VEPH1: variants seen among roughly 807,000 people sequenced by gnomAD.
VEPH1 encodes ventricular zone-expressed PH domain-containing protein homolog 1.
Under a neutral mutation model 85.2 loss-of-function variants are expected in VEPH1, and 80 were observed. The ratio of observed to expected loss-of-function variants is 0.94; its 90% CI spans 0.78 to 1.13. The LOEUF (loss-of-function observed/expected upper bound fraction) is 1.13, where lower values mean the gene tolerates loss of function less well. Ranked by LOEUF, VEPH1 falls within the 50% of genes most tolerant of loss-of-function variation. The pLI, the probability that VEPH1 is intolerant of heterozygous loss-of-function variation, is 0.00. For missense variants in VEPH1, 955 were observed against 980.5 expected, an observed-to-expected ratio of 0.97 and a Z score of 0.35; for synonymous variants, 297 against 348.0, an observed-to-expected ratio of 0.85 and a Z score of 1.63.
intron 6 of VEPH1, among the ~76,000 whole-genome samples, chr3:157,392,750 T>C (rs1729984700): frequency 6.6e-6 from 1 of 152,170 alleles, no homozygotes. Flanking sequence ...GTCTAAATGG[T>C]GCATTTAAAA....
At chr3:157,373,394 C>T (rs754208103) in intron 7 of VEPH1, among the ~76,000 whole-genome samples, 7 of 152,164 alleles carry the variant, frequency 4.6e-5, no homozygotes, top group South Asian at 2.1e-4. Flanking sequence ...TATATAGTCA[C>T]GGGAGCAACC....
intron 1 of VEPH1, among the ~76,000 whole-genome samples, chr3:157,497,078 G>A (rs774607391): frequency 1.3e-5 from 2 of 152,136 alleles, no homozygotes; most frequent in Non-Finnish European, 2.9e-5. Context: ...TGGAGAGCTG[G>A]AATTTGAACC....
intron 12 of VEPH1, among the ~76,000 whole-genome samples, chr3:157,269,560 A>G (rs2108273391): frequency 6.6e-6 from 1 of 152,184 alleles, no homozygotes; most frequent in African/African-American, 2.4e-5. Flanking sequence ...TTTAAAAATA[A>G]TTTCAAAAAA....
At chr3:157,458,833 C>CA (rs1428000504) in intron 4 of VEPH1, among the ~76,000 whole-genome samples, 3 of 152,164 alleles carry the variant, frequency 2.0e-5, no homozygotes, top group African/African-American at 7.2e-5. Flanking sequence ...TATTCCTCTG[C>CA]ATATAGATAC....
chr3:157,292,965 A>C (rs1238374456), intron 11 of VEPH1, among the ~76,000 whole-genome samples: 3 of 149,006 alleles, frequency 2.0e-5, no homozygotes, highest in Non-Finnish European at 4.5e-5. Flanking sequence ...TCTGGGCAAC[A>C]AGAGCAAAAC....
chr3:157,278,467 G>A (rs1316137037), intron 12 of VEPH1, among the ~76,000 whole-genome samples: 1 of 152,228 alleles, frequency 6.6e-6, no homozygotes, highest in Non-Finnish European at 1.5e-5. Flanking sequence ...ACCATTCCAT[G>A]TGAAACCGTG....
chr3:157,304,031 A>ATATG (rs1405457957), intron 11 of VEPH1, among the ~76,000 whole-genome samples: 3 of 123,212 alleles, frequency 2.4e-5, no homozygotes, highest in African/African-American at 8.0e-5. Context: ...TTTTATATAT[A>ATATG]TATATATACA....
intron 12 of VEPH1, among the ~76,000 whole-genome samples, chr3:157,269,443 C>T (rs969630680): frequency 6.6e-6 from 1 of 152,080 alleles, no homozygotes; most frequent in African/African-American, 2.4e-5. Flanking sequence ...AGAAAGGAAA[C>T]ATTAGCAGAA....
chr3:157,364,317 GTT>G lies in VEPH1; in HGVS notation c.1321_1322del (p.Asn441HisfsTer2). 4 of 1,611,136 alleles carry G rather than the reference GTT, an allele frequency of 2.5e-6. No individual in the cohort carries two copies. The highest frequency in any genetic ancestry group is 3.4e-6 in the Non-Finnish European group (4 of 1,178,592). ...LGQVSKEERK[N>X]IRFNRSKSLA... ...ACGAGTTATACCTGTTAAATCTAAT[GTT>G]TTTTCTTTCTTCTTTAGAAACTTGG... On this transcript the variant is annotated frameshift_variant, in exon 8 of 14. Coordinates refer to ENST00000362010, the MANE Select transcript of VEPH1 (RefSeq NM_001167912.2). LOFTEE classifies it high-confidence loss of function.
chr3:157,383,382 C>G (rs1258032485), intron 6 of VEPH1, among the ~76,000 whole-genome samples: 3 of 152,154 alleles, frequency 2.0e-5, no homozygotes, highest in Non-Finnish European at 4.4e-5. Context: ...CAACCTGGCA[C>G]TAAATTGAGC....
intron 6 of VEPH1, among the ~76,000 whole-genome samples, chr3:157,396,406 T>G (rs1320543737): frequency 6.6e-6 from 1 of 152,250 alleles, no homozygotes; most frequent in Non-Finnish European, 1.5e-5. Flanking sequence ...AACATCCTAG[T>G]GCATGTATCT....
At chr3:157,314,365 T>TAAAAAAAAAAAA (rs1720507145) in intron 10 of VEPH1, among the ~76,000 whole-genome samples, 1 of 100,690 alleles carries the variant, frequency 9.9e-6, no homozygotes, top group Non-Finnish European at 2.2e-5. Flanking sequence ...AAAAAAAAAT[T>TAAAAAAAAAAAA]AAACGAAAAA....
In VEPH1 at chr3:157,363,361, T is replaced by C. The variant is rs770744435; in HGVS notation, c.1735+3A>G. On this transcript the variant is annotated splice_donor_region_variant and intron_variant, in intron 9 of 13. Coordinates refer to ENST00000362010, the MANE Select transcript of VEPH1 (RefSeq NM_001167912.2). ...TCAGGTTTGGGAAGTACACAACACT[T>C]ACCTTCAATGGTACACTGATCAGGG... is the stretch of plus-strand genomic sequence containing the variant. 5 of 1,584,454 alleles carry C rather than the reference T, an allele frequency of 3.2e-6. No individual in the cohort carries two copies. The South Asian group carries it at 5.9e-5, about 19-fold the overall frequency.
chr3:157,417,793 A>C (rs1278087627), intron 5 of VEPH1, among the ~76,000 whole-genome samples: 1 of 152,160 alleles, frequency 6.6e-6, no homozygotes, highest in Non-Finnish European at 1.5e-5. Context: ...CACCACAAAT[A>C]TTCAGCTGCT....
chr3:157,290,825 A>G (rs553748555), intron 11 of VEPH1, among the ~76,000 whole-genome samples: 173 of 152,334 alleles, frequency 1.1e-3, no homozygotes, highest in African/African-American at 3.9e-3. Context: ...AAAAAGAGTC[A>G]TTAATGAGGG....
intron 6 of VEPH1, among the ~76,000 whole-genome samples, chr3:157,404,949 C>A (rs532522524): frequency 7.9e-5 from 12 of 152,286 alleles, no homozygotes; most frequent in African/African-American, 2.9e-4. Flanking sequence ...TCTGGTGAAT[C>A]TGAGATTTGT....
chr3:157,436,898 C>G (rs1317734063), intron 4 of VEPH1: 1 of 1,606,012 alleles, frequency 6.2e-7, no homozygotes, highest in Non-Finnish European at 8.5e-7. Context: ...AGTCTCCTCC[C>G]GCCAGCTGTG....
rs34703314 is a variant in VEPH1 at position 157,314,330 on chromosome 3, C to CAAAAAAAAAAAAAA, written c.1876-589_1876-576dup. ...CCTGGGTGACAGAGGGAGGATCCGT[C>CAAAAAAAAAAAAAA]AAAAAAAAAAAAAAAAAAAAAAAAA... On this transcript the variant is annotated intron_variant, in intron 10 of 13. Transcript: ENST00000362010. 8.3e-4 allele frequency among the ~76,000 whole-genome samples: 36 copies of CAAAAAAAAAAAAAA among 43,186 alleles called. 1 individual carries two copies. Among genetic ancestry groups the CAAAAAAAAAAAAAA allele is most frequent in the East Asian group, 1.3e-3 (2 of 1,556 alleles). 28.3% of individuals were successfully genotyped at this position (43,186 alleles called of 152,430 possible).
Position 157,260,895 on chromosome 3 carries a change from T to TTTTAC in VEPH1, c.*238_*239insGTAAA. The TTTTAC allele has an allele frequency of 5.3e-6, 1 of 187,438 alleles. No individual in the cohort carries two copies. The highest frequency in any genetic ancestry group is 8.3e-6 in the Non-Finnish European group (1 of 120,764). 11.6% of individuals were successfully genotyped at this position (187,438 alleles called of 1,614,324 possible). ...ATCTGAGGGCATACTCTGTAGCTCCTTTTATTTTATTTTATTTTTGTGGGC... is the reference window on the plus strand; with the variant it reads ...ATCTGAGGGCATACTCTGTAGCTCCTTTTACTTTATTTTATTTTATTTTTGTGGGC... On this transcript the variant is annotated 3_prime_UTR_variant, in exon 14 of 14. Transcript: ENST00000362010.
Sources: allele counts gnomAD v4.1 joint callset (sites outside exome capture counted in the v4.1 genomes callset), GRCh38; gene constraint gnomAD v4.1.1; transcripts MANE v1.5; gene names NCBI Gene and HGNC (gene_info 2026-07-23, HGNC 2026-07-21).